Variants in AKAP7 observed in about 807,000 individuals in gnomAD.
The protein encoded by AKAP7 is A kinase (PRKA) anchor protein 7.
Under a neutral mutation model 39.5 loss-of-function variants are expected in AKAP7, and 39 were observed. That is an observed-to-expected ratio of 0.99 (90% CI 0.76 to 1.29). AKAP7 has a LOEUF of 1.29. Among genes scored for constraint, AKAP7 ranks in the 50% most tolerant of loss-of-function variants. The pLI, the probability that AKAP7 is intolerant of heterozygous loss-of-function variation, is 0.00. For missense variants in AKAP7, 414 were observed against 407.7 expected (o/e 1.02, Z -0.13); for synonymous variants, 140 against 139.1 (o/e 1.01, Z -0.05).
intron 5 of AKAP7, among the ~76,000 whole-genome samples, 173 bp downstream of exon 5, chr6:131,169,446 T>G (rs1481378173): frequency 6.6e-6 from 1 of 152,240 alleles, no homozygotes; most frequent in Non-Finnish European, 1.5e-5. Flanking sequence ...TATCATAACA[T>G]TTGACATACA....
intron 7 of AKAP7, among the ~76,000 whole-genome samples, chr6:131,248,092 T>G (rs1303146631): frequency 6.6e-6 from 1 of 152,184 alleles, no homozygotes; most frequent in African/African-American, 2.4e-5. Flanking sequence ...TAACTCAAGA[T>G]GGCAGCTAGT....
intron 2 of AKAP7, among the ~76,000 whole-genome samples, chr6:131,156,723 A>G (rs1016382391): frequency 3.9e-5 from 6 of 152,134 alleles, no homozygotes; most frequent in Non-Finnish European, 7.4e-5. Context: ...CAAGTGGTCT[A>G]GATGAGTAAA....
intron 7 of AKAP7, among the ~76,000 whole-genome samples, chr6:131,278,031 G>C (rs116446870): frequency 0.016 from 2,479 of 152,110 alleles, 67 homozygotes; most frequent in African/African-American, 0.057. Context: ...TTAAATTTCT[G>C]GTCATTGGTG....
At chr6:131,136,193 A>G (rs1247264034) in intron 1 of AKAP7, among the ~76,000 whole-genome samples, 2 of 152,186 alleles carry the variant, frequency 1.3e-5, no homozygotes, top group Non-Finnish European at 2.9e-5. Context: ...AAGCACCCGA[A>G]CCACCATACT....
intron 7 of AKAP7, among the ~76,000 whole-genome samples, chr6:131,241,604 T>TATATATAC (rs1811573060): frequency 5.5e-5 from 7 of 126,334 alleles, no homozygotes; most frequent in Non-Finnish European, 1.2e-4. Flanking sequence ...TGTGTGTGTG[T>TATATATAC]GTGTGTGTGT....
rs1806801864 is a variant in AKAP7 at position 131,195,173 on chromosome 6, C to G, written c.590-4288C>G. ...TTTCTTTGGTGGTATAACTTAATTT[C>G]TCAGTTTTTATTTTTTGTGTATCAA... On this transcript the variant is annotated intron_variant, in intron 5 of 7. Coordinates refer to ENST00000431975, the MANE Select transcript of AKAP7 (RefSeq NM_016377.4). Among the ~76,000 whole-genome samples, 3 of 151,786 alleles carry G rather than the reference C, an allele frequency of 2.0e-5. No homozygotes were observed. In the South Asian group the frequency reaches 6.2e-4, roughly 32 times the overall value.
intron 2 of AKAP7, among the ~76,000 whole-genome samples, chr6:131,148,824 T>C (rs1029386254): frequency 6.6e-6 from 1 of 152,216 alleles, no homozygotes; most frequent in Non-Finnish European, 1.5e-5. Context: ...AGTTTGTGGC[T>C]TGAATGGACT....
At chr6:131,202,203 C>G (rs1438286374) in intron 6 of AKAP7, among the ~76,000 whole-genome samples, 2 of 139,434 alleles carry the variant, frequency 1.4e-5, no homozygotes, top group Admixed American at 7.2e-5. Flanking sequence ...TCAGTGTGGC[C>G]ATTCCTCAGG....
intron 5 of AKAP7, among the ~76,000 whole-genome samples, chr6:131,197,012 A>C (rs1285227072): frequency 6.6e-6 from 1 of 152,096 alleles, no homozygotes; most frequent in African/African-American, 2.4e-5. Context: ...AAAGTATTCT[A>C]TACTATTTTT....
chr6:131,166,116 C>G (rs1190819447), intron 4 of AKAP7, among the ~76,000 whole-genome samples: 1 of 152,128 alleles, frequency 6.6e-6, no homozygotes, highest in African/African-American at 2.4e-5. Flanking sequence ...GTAGTTATGT[C>G]TTTTAAACAG....
At chr6:131,272,329 T>C (rs1165004638) in intron 7 of AKAP7, among the ~76,000 whole-genome samples, 2 of 152,180 alleles carry the variant, frequency 1.3e-5, no homozygotes, top group African/African-American at 4.8e-5. Flanking sequence ...GCCTTTGGTT[T>C]CGCTGATGTT....
At chr6:131,229,478 A>G (rs965290492) in intron 7 of AKAP7, among the ~76,000 whole-genome samples, 1 of 152,086 alleles carries the variant, frequency 6.6e-6, no homozygotes, top group African/African-American at 2.4e-5. Flanking sequence ...CCTCCCAAGT[A>G]GTTGGGATTA....
At chr6:131,164,963 A>C (rs1803339647) in intron 3 of AKAP7, 118 bp from the exon 4 acceptor site, 3 of 754,782 alleles carry the variant, frequency 4.0e-6, no homozygotes, top group Non-Finnish European at 6.3e-6. Context: ...GAAGAATCTT[A>C]ACATTGTTCT....
At chr6:131,152,428 A>C (rs1562866117) in intron 2 of AKAP7, among the ~76,000 whole-genome samples, 2 of 152,262 alleles carry the variant, frequency 1.3e-5, no homozygotes, top group Non-Finnish European at 2.9e-5. Flanking sequence ...TTTCAAAGTG[A>C]GAAATAAAAT....
At chr6:131,148,521 T>C (rs1801658215) in intron 2 of AKAP7, among the ~76,000 whole-genome samples, 3 of 152,180 alleles carry the variant, frequency 2.0e-5, no homozygotes, top group Admixed American at 2.0e-4. Context: ...AAAGAGATAA[T>C]GTATGCAAGA....
At chr6:131,135,961 C>T (rs1800502055) in intron 1 of AKAP7, among the ~76,000 whole-genome samples, 179 bp downstream of exon 1, 1 of 152,110 alleles carries the variant, frequency 6.6e-6, no homozygotes, top group African/African-American at 2.4e-5. Flanking sequence ...GGGTGTACAT[C>T]AGTGCTGCCT....
intron 7 of AKAP7, among the ~76,000 whole-genome samples, chr6:131,229,699 A>T (rs1285829052): frequency 6.6e-6 from 1 of 152,132 alleles, no homozygotes; most frequent in Non-Finnish European, 1.5e-5. Context: ...GTGAGGTATA[A>T]CTTATATGCA....
chr6:131,190,979 C>T (rs1453349771), intron 5 of AKAP7, among the ~76,000 whole-genome samples: 1 of 152,192 alleles, frequency 6.6e-6, no homozygotes, highest in East Asian at 1.9e-4. Context: ...GTGCTTGGCA[C>T]ATACAGGGAG....
At chr6:131,225,651 A>G (rs1403017638) in intron 7 of AKAP7, among the ~76,000 whole-genome samples, 13 of 151,820 alleles carry the variant, frequency 8.6e-5, no homozygotes, top group Admixed American at 7.2e-4. Context: ...ATTCGTTCAT[A>G]TTTTCTTCTA....
Sources: allele counts gnomAD v4.1 joint callset (sites outside exome capture counted in the v4.1 genomes callset), GRCh38; gene constraint gnomAD v4.1.1; transcripts MANE v1.5; gene names NCBI Gene and HGNC (gene_info 2026-07-23, HGNC 2026-07-21).